The following ASRGL1 variants were observed in gnomAD, a reference collection of about 807,000 sequenced individuals.
The protein encoded by ASRGL1 is asparaginase and isoaspartyl peptidase 1.
Under a neutral mutation model 22.4 loss-of-function variants are expected in ASRGL1, and 16 were observed. The ratio of observed to expected loss-of-function variants is 0.71; its 90% CI spans 0.48 to 1.08. The LOEUF (loss-of-function observed/expected upper bound fraction) is 1.08. Ranked by LOEUF, ASRGL1 falls within the 50% of genes least tolerant of loss-of-function variation. The pLI, the probability that ASRGL1 is intolerant of heterozygous loss-of-function variation, is 0.00. For synonymous variants in ASRGL1, 165 were observed against 159.3 expected, an observed-to-expected ratio of 1.04 and a Z score of -0.27; for missense variants, 412 against 410.1, an observed-to-expected ratio of 1.00 and a Z score of -0.04.
At chr11:62,374,638 C>T (rs565204596) in intron 4 of ASRGL1, among the ~76,000 whole-genome samples, 38 of 152,200 alleles carry the variant, frequency 2.5e-4, no homozygotes, top group African/African-American at 9.2e-4. Context: ...CCACCCCAGT[C>T]GCTCCTTACC....
At chr11:62,352,853 G>A (rs1289526450) in intron 2 of ASRGL1, among the ~76,000 whole-genome samples, 1 of 151,950 alleles carries the variant, frequency 6.6e-6, no homozygotes, top group Non-Finnish European at 1.5e-5. Context: ...TACTTTCAAT[G>A]TTTTTTTGTC....
intron 4 of ASRGL1, among the ~76,000 whole-genome samples, chr11:62,370,678 C>T (rs1390572927): frequency 6.6e-6 from 1 of 152,136 alleles, no homozygotes. Flanking sequence ...TTGTCCTGTG[C>T]AATTGTGGTA....
chr11:62,392,342 G>T lies in ASRGL1; in HGVS notation c.*58G>T. 6.3e-7 allele frequency: 1 copy of T among 1,581,678 alleles called. No homozygotes were observed. Among genetic ancestry groups the T allele is most frequent in the Non-Finnish European group, 8.7e-7 (1 of 1,152,986 alleles). On this transcript the variant is annotated 3_prime_UTR_variant, in exon 7 of 7. Transcript: ENST00000415229. ...TAGAGGTCAAGTACAGTCTCCTCAT[G>T]AGACATAGCCTAATCAATTAGATCT... is the stretch of plus-strand genomic sequence containing the variant.
intron 4 of ASRGL1, among the ~76,000 whole-genome samples, chr11:62,365,273 G>A (rs565956494): frequency 2.0e-5 from 3 of 152,146 alleles, no homozygotes; most frequent in African/African-American, 7.2e-5. Flanking sequence ...GATTTTAGAG[G>A]CCAGATGCAG....
intron 4 of ASRGL1, among the ~76,000 whole-genome samples, chr11:62,364,445 A>C (rs1450908058): frequency 6.6e-6 from 1 of 152,132 alleles, no homozygotes; most frequent in Non-Finnish European, 1.5e-5. Flanking sequence ...AGGTTCCTAA[A>C]GAAATTAAAA....
intron 2 of ASRGL1, among the ~76,000 whole-genome samples, chr11:62,349,942 C>T (rs1251141936): frequency 1.3e-5 from 2 of 151,914 alleles, no homozygotes; most frequent in African/African-American, 2.4e-5. Context: ...GCAGTGAGGA[C>T]GACCAGAGGT....
chr11:62,357,820 T>C (rs763835163), intron 4 of ASRGL1, among the ~76,000 whole-genome samples: 2 of 152,158 alleles, frequency 1.3e-5, no homozygotes, highest in Non-Finnish European at 2.9e-5. Context: ...AATTTGAAAG[T>C]AAAATGTGAA....
At chr11:62,362,614 AT>A (rs1946485171) in intron 4 of ASRGL1, among the ~76,000 whole-genome samples, 2 of 69,560 alleles carry the variant, frequency 2.9e-5, no homozygotes, top group African/African-American at 1.3e-4. Context: ...TAAAATATAT[AT>A]TATATATTAT....
chr11:62,395,091 C>G (rs2134712922), downstream of ASRGL1, among the ~76,000 whole-genome samples: 1 of 152,302 alleles, frequency 6.6e-6, no homozygotes, highest in East Asian at 1.9e-4. Context: ...AATTTGGAAC[C>G]AAAAGAACAT....
At chr11:62,360,596 C>T (rs1946409353) in intron 4 of ASRGL1, among the ~76,000 whole-genome samples, 1 of 152,116 alleles carries the variant, frequency 6.6e-6, no homozygotes, top group South Asian at 2.1e-4. Flanking sequence ...CAGTCTTCTT[C>T]CAGGGTGACC....
chr11:62,400,558 A>G, the ASRGL1 span, among the ~76,000 whole-genome samples: 1 of 152,048 alleles, frequency 6.6e-6, no homozygotes, highest in Non-Finnish European at 1.5e-5. Context: ...CAGAACCCCA[A>G]CCCTCCATGC....
At chr11:62,395,930 C>A (rs1177683823), downstream of ASRGL1, among the ~76,000 whole-genome samples, 1 of 151,698 alleles carries the variant, frequency 6.6e-6, no homozygotes, top group Non-Finnish European at 1.5e-5. Flanking sequence ...CGCCACCATG[C>A]CTGCCTAATT....
Position 62,341,663 on chromosome 11 carries a change from A to C in ASRGL1, c.190+3496A>C, listed in dbSNP as rs184731644. 5.9e-5 allele frequency among the ~76,000 whole-genome samples: 9 copies of C among 152,334 alleles called. No individual in the cohort carries two copies. The East Asian group carries it at 1.7e-3, about 29-fold the overall frequency. ...ACCAGGTTTAGAATCTACTAGCCTA[A>C]TACCATACAATTTTAATGGGTTTGG... On this transcript the variant is annotated intron_variant, in intron 2 of 6. Transcript: ENST00000415229.
chr11:62,372,686 C>G, intron 4 of ASRGL1: 1 of 1,215,740 alleles, frequency 8.2e-7, no homozygotes, highest in East Asian at 2.3e-5. Context: ...GTGGCTATGG[C>G]TGGCTGGGCT....
chr11:62,397,621 G>A (rs1457166162), downstream of ASRGL1, among the ~76,000 whole-genome samples: 2 of 144,168 alleles, frequency 1.4e-5, no homozygotes, highest in South Asian at 2.2e-4. Flanking sequence ...CCAAGATCAC[G>A]CCATTGCACT....
In ASRGL1 at chr11:62,337,917, G is replaced by A. The variant is rs1945762831; in HGVS notation, c.-61G>A. On this transcript the variant is annotated 5_prime_UTR_variant, in exon 2 of 7. Transcript: ENST00000415229. ...TCTCCCGAGGACCTTGTACCCGCGC[G>A]GCTTCCTTGGGCTGGCTTTGGACGA... is the stretch of plus-strand genomic sequence containing the variant. 1.3e-6 allele frequency: 2 copies of A among 1,529,050 alleles called. No homozygotes were observed. The highest frequency in any genetic ancestry group is 1.8e-6 in the Non-Finnish European group (2 of 1,134,906). 94.7% of individuals were successfully genotyped at this position (1,529,050 alleles called of 1,614,324 possible). A position where few individuals can be genotyped will look rare whatever the true frequency, so the allele number is the denominator to read the frequency against.
At chr11:62,372,795 T>A in intron 4 of ASRGL1, 2 of 1,583,212 alleles carry the variant, frequency 1.3e-6, no homozygotes, top group Non-Finnish European at 1.7e-6. Flanking sequence ...CACCTGCTCC[T>A]TTGCCGTCAG....
chr11:62,338,121 A>C lies in ASRGL1; in HGVS notation c.144A>C (p.Val48=). 1 of 1,604,018 alleles carries C rather than the reference A, an allele frequency of 6.2e-7. No individual in the cohort carries two copies. Among genetic ancestry groups the C allele is most frequent in the Non-Finnish European group, 8.5e-7 (1 of 1,175,692 alleles). Reference sequence around the variant, plus strand: ...AGGGCGGGAGCGCCGTGGATGCCGTAGAGGGAGCTGTCGTCGCCCTGGAAG... The same window carrying C: ...AGGGCGGGAGCGCCGTGGATGCCGTCGAGGGAGCTGTCGTCGCCCTGGAAG... ...LREGGSAVDA[V]EGAVVALEDD... is the part of the protein sequence containing the mutation. Residue 48 remains valine (V), a synonymous_variant, in exon 2 of 7, where the codon GTA becomes GTC. Coordinates refer to ENST00000415229, the MANE Select transcript of ASRGL1 (RefSeq NM_001083926.2).
At chr11:62,353,679 C>A (rs970827176) in intron 2 of ASRGL1, among the ~76,000 whole-genome samples, 1 of 152,178 alleles carries the variant, frequency 6.6e-6, no homozygotes, top group South Asian at 2.1e-4. Context: ...GTAATTCCAA[C>A]ATCTGTGTCA....
Sources: allele counts gnomAD v4.1 joint callset (sites outside exome capture counted in the v4.1 genomes callset), GRCh38; gene constraint gnomAD v4.1.1; transcripts MANE v1.5; gene names NCBI Gene and HGNC (gene_info 2026-07-23, HGNC 2026-07-21).